Variants in SLC25A48 observed in about 807,000 individuals in gnomAD.
The protein encoded by SLC25A48 is CTC-321K16.1.
Under a neutral mutation model 32.2 loss-of-function variants are expected in SLC25A48, and 29 were observed. The observed-to-expected ratio is 0.90, with a 90% CI of 0.67 to 1.23. The LOEUF (loss-of-function observed/expected upper bound fraction) is 1.23, where lower values mean the gene tolerates loss of function less well. Ranked by LOEUF, SLC25A48 falls within the 50% of genes most tolerant of loss-of-function variation. The probability of loss-of-function intolerance (pLI) is 0.00; values close to 1 mark genes in which losing one functional copy is unlikely to be tolerated. For synonymous variants in SLC25A48, 164 were observed against 172.3 expected, an observed-to-expected ratio of 0.95 and a Z score of 0.38; for missense variants, 399 against 422.7, an observed-to-expected ratio of 0.94 and a Z score of 0.49.
intron 3 of SLC25A48, among the ~76,000 whole-genome samples, chr5:135,696,873 G>T (rs1176771369): frequency 3.3e-5 from 5 of 152,204 alleles, no homozygotes; most frequent in African/African-American, 1.2e-4. Context: ...AACTGAAGGA[G>T]CAGGGAGATG....
At chr5:135,764,232 G>T (rs1386458521) in intron 3 of SLC25A48, among the ~76,000 whole-genome samples, 1 of 151,806 alleles carries the variant, frequency 6.6e-6, no homozygotes, top group Non-Finnish European at 1.5e-5. Flanking sequence ...AGAGGGTGAT[G>T]TTACTCCCCA....
intron 1 of SLC25A48, among the ~76,000 whole-genome samples, chr5:135,581,652 G>T (rs915388311): frequency 6.6e-6 from 1 of 152,238 alleles, no homozygotes; most frequent in Non-Finnish European, 1.5e-5. Flanking sequence ...ATGGACCAAC[G>T]TTCCCCAGCT....
intron 4 of SLC25A48, among the ~76,000 whole-genome samples, chr5:135,814,029 A>G (rs1311991292): frequency 6.6e-6 from 1 of 152,228 alleles, no homozygotes; most frequent in Non-Finnish European, 1.5e-5. Context: ...TGCTTTGATC[A>G]GAGGCACCCA....
intron 3 of SLC25A48, among the ~76,000 whole-genome samples, chr5:135,720,234 C>T (rs1050502789): frequency 6.6e-5 from 10 of 152,222 alleles, no homozygotes; most frequent in African/African-American, 2.4e-4. Context: ...GGGTCCAGGG[C>T]AGCTGAGGTA....
chr5:135,872,840 C>T (rs976849110), intron 5 of SLC25A48: 1 of 152,414 alleles, frequency 6.6e-6, no homozygotes, highest in Admixed American at 6.5e-5. Context: ...GCTGTCAGCT[C>T]ATAGCAGACA....
At chr5:135,661,349 T>G (rs893600514) in intron 3 of SLC25A48, among the ~76,000 whole-genome samples, 3 of 152,192 alleles carry the variant, frequency 2.0e-5, no homozygotes, top group African/African-American at 7.2e-5. Context: ...CTGCTCTTAT[T>G]ACATCAGTGA....
intron 4 of SLC25A48, among the ~76,000 whole-genome samples, chr5:135,823,512 C>T (rs1170648436): frequency 6.6e-6 from 1 of 152,210 alleles, no homozygotes; most frequent in Non-Finnish European, 1.5e-5. Context: ...TCCCTCCCAC[C>T]CTTCTTTCCT....
chr5:135,866,685 A>G lies in SLC25A48; in HGVS notation c.422-4776A>G, dbSNP rs191494424. Among the ~76,000 whole-genome samples, 123 of 152,378 alleles carry G rather than the reference A, an allele frequency of 8.1e-4. 1 individual carries two copies. The East Asian group carries it at 0.02, about 24-fold the overall frequency. ...AGGAGGCCAGCAGTAAGGCACTGGC[A>G]CTTCACAGAGAGCTGCAGAGCCAGA... On this transcript the variant is annotated intron_variant, in intron 4 of 7. Transcript: ENST00000681962.
chr5:135,831,994 G>A (rs1297979024), upstream of SLC25A48, among the ~76,000 whole-genome samples: 4 of 152,140 alleles, frequency 2.6e-5, no homozygotes, highest in Admixed American at 2.6e-4. Context: ...GGTGGGATAA[G>A]ACCTTGGGAG....
At chr5:135,756,526 C>G (rs1319028441) in intron 3 of SLC25A48, among the ~76,000 whole-genome samples, 4 of 152,000 alleles carry the variant, frequency 2.6e-5, no homozygotes, top group African/African-American at 9.7e-5. Flanking sequence ...ATACAATTAT[C>G]TGGGCGTGGT....
chr5:135,766,235 C>T (rs535064856), intron 3 of SLC25A48, among the ~76,000 whole-genome samples: 269 of 151,200 alleles, frequency 1.8e-3, no homozygotes, highest in African/African-American at 6.0e-3. Flanking sequence ...CCCCATATCG[C>T]GGTGGGTGTA....
At chr5:135,744,147 G>A (rs1755578099) in intron 3 of SLC25A48, among the ~76,000 whole-genome samples, 1 of 152,130 alleles carries the variant, frequency 6.6e-6, no homozygotes, top group Admixed American at 6.5e-5. Context: ...ACTGCCTCAA[G>A]GCCTACTGCA....
At chr5:135,878,268 G>A (rs908317008) in intron 6 of SLC25A48, among the ~76,000 whole-genome samples, 24 of 152,308 alleles carry the variant, frequency 1.6e-4, no homozygotes, top group Admixed American at 1.4e-3. Context: ...CACACTCCAA[G>A]CTGGGCCCTG....
intron 3 of SLC25A48, among the ~76,000 whole-genome samples, chr5:135,692,492 T>C (rs1408082707): frequency 6.6e-6 from 1 of 152,164 alleles, no homozygotes; most frequent in East Asian, 1.9e-4. Flanking sequence ...ATCTGCATCA[T>C]GCAGGTGGAA....
intron 1 of SLC25A48, chr5:135,835,184 C>T (rs1237116069): frequency 4.7e-6 from 3 of 634,600 alleles, no homozygotes; most frequent in East Asian, 6.4e-5. Context: ...AGCCCACAGC[C>T]AATGGAGGCT....
intron 3 of SLC25A48, among the ~76,000 whole-genome samples, chr5:135,783,764 A>G (rs955007081): frequency 3.4e-5 from 4 of 119,178 alleles, no homozygotes; most frequent in African/African-American, 1.0e-4. Flanking sequence ...TATTGCTTTC[A>G]ATATCGCAGC....
chr5:135,880,205 A>C (rs1170301128), intron 7 of SLC25A48, 108 bp downstream of exon 7: 1 of 1,422,066 alleles, frequency 7.0e-7, no homozygotes, highest in Non-Finnish European at 9.3e-7. Context: ...GTTGTTTGTC[A>C]CATATCTAAT....
chr5:135,883,078 C>A, intron 7 of SLC25A48: 1 of 985,446 alleles, frequency 1.0e-6, no homozygotes, highest in Non-Finnish European at 1.2e-6. Context: ...ATCCCATTAA[C>A]AGGTCAATGC....
intron 3 of SLC25A48, among the ~76,000 whole-genome samples, chr5:135,789,206 G>C (rs543244457): frequency 4.5e-4 from 62 of 138,464 alleles, no homozygotes; most frequent in African/African-American, 1.2e-3. Flanking sequence ...ACCCTCCCCC[G>C]CCACGATATG....
Sources: allele counts gnomAD v4.1 joint callset (sites outside exome capture counted in the v4.1 genomes callset), GRCh38; gene constraint gnomAD v4.1.1; transcripts MANE v1.5; gene names NCBI Gene and HGNC (gene_info 2026-07-23, HGNC 2026-07-21).